LAMB4: variants seen among roughly 807,000 people sequenced by gnomAD.
LAMB4 encodes the protein laminin subunit beta 4, also known as laminin subunit beta-4.
LAMB4 carries 196 observed loss-of-function variants against 199.2 expected under a neutral mutation model. That is an observed-to-expected ratio of 0.98 (90% confidence interval 0.88 to 1.11). The LOEUF is 1.11. Among genes scored for constraint, LAMB4 ranks in the 50% least tolerant of loss-of-function variants. The pLI is 0.00. For synonymous variants in LAMB4, 744 were observed against 770.6 expected (o/e 0.97, Z 0.57); for missense variants, 2,080 against 2,171.2 (o/e 0.96, Z 0.83).
chr7:108,033,180 T>C (rs1472398564), intron 31 of LAMB4, among the ~76,000 whole-genome samples: 1 of 152,178 alleles, frequency 6.6e-6, no homozygotes, highest in Admixed American at 6.5e-5. Context: ...GTAAATACTT[T>C]ATACTTTGTG....
intron 1 of LAMB4, among the ~76,000 whole-genome samples, chr7:108,127,359 A>G (rs967252441): frequency 6.6e-6 from 1 of 152,100 alleles, no homozygotes; most frequent in African/African-American, 2.4e-5. Context: ...GTCTCAGACT[A>G]GAAACTTGAG....
intron 21 of LAMB4, among the ~76,000 whole-genome samples, chr7:108,064,375 A>G (rs947259282): frequency 7.9e-5 from 12 of 152,296 alleles, no homozygotes; most frequent in South Asian, 2.1e-4. Flanking sequence ...GAGGTGAACT[A>G]AGGTGAAAAT....
rs117995389 is a variant in LAMB4 at position 108,126,077 on chromosome 7, C to T, written c.-33-2880G>A. On this transcript the variant is annotated intron_variant, in intron 1 of 33. Coordinates refer to ENST00000388781, the MANE Select transcript of LAMB4 (RefSeq NM_007356.3). ...AATTGGTTAAGGATTATCACAGTTG[C>T]TATGTGAAGAGATAAATGACAGAAT... Among the ~76,000 whole-genome samples the T allele has an allele frequency of 1.8e-4, 28 of 152,280 alleles. No homozygotes were observed. In the East Asian group the frequency reaches 5.4e-3, roughly 29 times the overall value.
chr7:108,040,903 G>C (rs2035400406), intron 29 of LAMB4, among the ~76,000 whole-genome samples: 1 of 152,132 alleles, frequency 6.6e-6, no homozygotes, highest in Non-Finnish European at 1.5e-5. Context: ...AGCAAAAACT[G>C]AGAAATGGAA....
rs892486060 is a variant in LAMB4, at chr7:108,062,973, C to T, written c.3083G>A (p.Gly1028Asp). ...AGGGGGACACTCCATGGGACTCACG[C>T]CGGAAGCATGGCAGGAGCATCCTGT... Reference protein sequence around the residue: ...TCRRCSCHASGVSPMECPPGG... With the variant: ...TCRRCSCHASDVSPMECPPGG... Residue 1028 changes from glycine (G) to aspartate (D), a missense_variant, in exon 23 of 34, where the codon GGC becomes GAC. Physicochemically the swap from Gly to Asp is moderately conservative, Grantham distance 94. Coordinates refer to ENST00000388781, the MANE Select transcript of LAMB4 (RefSeq NM_007356.3). 6.3e-7 allele frequency: 1 copy of T among 1,576,550 alleles called. No individual in the cohort carries two copies. The highest frequency in any genetic ancestry group is 1.9e-5 in the Admixed American group (1 of 51,998).
At chr7:108,046,101 G>A (rs2035610816) in intron 28 of LAMB4, among the ~76,000 whole-genome samples, 1 of 151,836 alleles carries the variant, frequency 6.6e-6, no homozygotes, top group Non-Finnish European at 1.5e-5. Context: ...AGGTCTCACT[G>A]TTGTCGGTGC....
intron 25 of LAMB4, 99 bp from the exon 26 acceptor site, chr7:108,052,356 TTG>T: frequency 1.1e-6 from 1 of 890,366 alleles, no homozygotes; most frequent in Non-Finnish European, 1.7e-6. Flanking sequence ...TTAGGAATTC[TTG>T]ATTAGAAGGG....
At position 108,124,716 on chromosome 7, in the gene LAMB4, C is replaced by A. The variant is rs187873950; in HGVS notation, c.-33-1519G>T. Among the ~76,000 whole-genome samples, 608 of 151,588 alleles carry A rather than the reference C, an allele frequency of 4.0e-3. 2 individuals carry two copies. The highest frequency in any genetic ancestry group is 6.5e-3 in the Non-Finnish European group (443 of 67,854). ...TATTTGAATAGTAGGAAATATAAAA[C>A]CTCTTTCACGTATTTTCAAGTGAGA... On this transcript the variant is annotated intron_variant, in intron 1 of 33. Transcript: ENST00000388781.
intron 26 of LAMB4, 32 bp downstream of exon 26, chr7:108,052,065 C>A: frequency 6.4e-7 from 1 of 1,569,668 alleles, no homozygotes; most frequent in Non-Finnish European, 8.7e-7. Context: ...AAACTTTGTG[C>A]AGACACAGTC....
At chr7:108,126,442 A>T (rs1289825100) in intron 1 of LAMB4, among the ~76,000 whole-genome samples, 1 of 152,010 alleles carries the variant, frequency 6.6e-6, no homozygotes, top group Non-Finnish European at 1.5e-5. Context: ...TACTCTAAGT[A>T]TCTAACATAT....
At chr7:108,081,151 G>C (rs1175145837) in intron 14 of LAMB4, among the ~76,000 whole-genome samples, 6 of 152,166 alleles carry the variant, frequency 3.9e-5, no homozygotes, top group Admixed American at 6.5e-5. Flanking sequence ...TGCAATTGCA[G>C]TAGACACTGT....
rs548029464 is a variant in LAMB4, at chr7:108,034,119, A to G, written c.4818+89T>C. 21 of 1,256,432 alleles carry G rather than the reference A, an allele frequency of 1.7e-5. No homozygotes were observed. In the African/African-American group the frequency reaches 2.5e-4, roughly 15 times the overall value. 77.8% of individuals were successfully genotyped at this position (1,256,432 alleles called of 1,614,324 possible). On this transcript the variant is annotated intron_variant, in intron 31 of 33. Transcript: ENST00000388781. ...CATAATAATCCCATCAGACTCGTAA[A>G]GCAAGCATAGCATTGGCATACATAA...
intron 24 of LAMB4, among the ~76,000 whole-genome samples, chr7:108,056,537 G>A (rs962665942): frequency 5.3e-5 from 8 of 152,108 alleles, no homozygotes; most frequent in Admixed American, 2.6e-4. Flanking sequence ...GACTCCACAC[G>A]GTACTTTCTT....
chr7:108,051,678 T>C (rs2035831491), intron 26 of LAMB4, among the ~76,000 whole-genome samples: 1 of 152,172 alleles, frequency 6.6e-6, no homozygotes, highest in South Asian at 2.1e-4. Context: ...AGAAATATTG[T>C]GGGGTTTTTT....
chr7:108,086,631 G>A (rs992905509), intron 14 of LAMB4, among the ~76,000 whole-genome samples: 1 of 152,064 alleles, frequency 6.6e-6, no homozygotes, highest in African/African-American at 2.4e-5. Context: ...CAGATGTCAG[G>A]GTAGGAAATG....
chr7:108,074,729 T>C (rs1459446992), intron 17 of LAMB4, among the ~76,000 whole-genome samples: 2 of 152,176 alleles, frequency 1.3e-5, no homozygotes, highest in African/African-American at 4.8e-5. Flanking sequence ...TCAAACATCC[T>C]TGTAATGATT....
chr7:108,108,927 A>G (rs1486565648), intron 5 of LAMB4, among the ~76,000 whole-genome samples: 2 of 152,144 alleles, frequency 1.3e-5, no homozygotes, highest in African/African-American at 4.8e-5. Context: ...TCACCTCAGT[A>G]CTAGGAGTTT....
chr7:108,092,722 C>A (rs533919944), intron 12 of LAMB4, among the ~76,000 whole-genome samples: 2 of 151,986 alleles, frequency 1.3e-5, no homozygotes, highest in African/African-American at 4.8e-5. Context: ...CCTGGCCAAC[C>A]ATGGTGAAAC....
At chr7:108,036,419 C>G (rs1050082289) in intron 30 of LAMB4, among the ~76,000 whole-genome samples, 1 of 152,072 alleles carries the variant, frequency 6.6e-6, no homozygotes, top group African/African-American at 2.4e-5. Flanking sequence ...AATTCCTGAC[C>G]GCAGGTGATC....
Sources: allele counts gnomAD v4.1 joint callset (sites outside exome capture counted in the v4.1 genomes callset), GRCh38; gene constraint gnomAD v4.1.1; transcripts MANE v1.5; gene names NCBI Gene and HGNC (gene_info 2026-07-23, HGNC 2026-07-21).